The following EXOSC7 variants were observed in gnomAD, a reference collection of about 807,000 sequenced individuals.
EXOSC7 encodes the protein exosome component 7, also known as exosome complex component RRP42.
EXOSC7 carries 25 observed loss-of-function variants against 34.3 expected under a neutral mutation model. The ratio of observed to expected loss-of-function variants is 0.73; its 90% CI spans 0.53 to 1.02. EXOSC7 has a LOEUF of 1.02. Ranked by LOEUF, EXOSC7 falls within the 50% of genes least tolerant of loss-of-function variation. The pLI, the probability that EXOSC7 is intolerant of heterozygous loss-of-function variation, is 0.00. For synonymous variants in EXOSC7, 130 were observed against 143.0 expected (o/e 0.91, Z 0.65); for missense variants, 370 against 368.5 (o/e 1.00, Z -0.03).
intron 7 of EXOSC7, among the ~76,000 whole-genome samples, chr3:45,010,223 A>G (rs534749390): frequency 6.6e-6 from 1 of 152,250 alleles, no homozygotes; most frequent in South Asian, 2.1e-4. Context: ...CAGTTTCATA[A>G]AGAAAAATAT....
intron 1 of EXOSC7, among the ~76,000 whole-genome samples, chr3:44,980,217 A>G (rs1706238256): frequency 6.6e-6 from 1 of 152,050 alleles, no homozygotes. Flanking sequence ...AAGCCAGCAA[A>G]GGGAGTCTAG....
In EXOSC7 at chr3:45,002,832, A is replaced by G. The variant is rs944577094; in HGVS notation, c.491+1224A>G. ...TGCCACTAGGCTCCTTGTTGAGACT[A>G]TTTGAAATGTGAGCCTGGCACTCTT... On this transcript the variant is annotated intron_variant, in intron 5 of 7. Coordinates refer to ENST00000265564, the MANE Select transcript of EXOSC7 (RefSeq NM_015004.4). 2.6e-5 allele frequency among the ~76,000 whole-genome samples: 4 copies of G among 152,154 alleles called. No homozygotes were observed. In the East Asian group the frequency reaches 7.7e-4, roughly 29 times the overall value.
intron 1 of EXOSC7, among the ~76,000 whole-genome samples, 156 bp from the exon 2 acceptor site, chr3:44,988,984 A>G (rs1378521581): frequency 2.6e-5 from 4 of 152,176 alleles, no homozygotes; most frequent in Non-Finnish European, 4.4e-5. Flanking sequence ...TAAAATAGTA[A>G]TGTTGTTGTT....
intron 1 of EXOSC7, among the ~76,000 whole-genome samples, chr3:44,976,579 G>C (rs1486316790): frequency 6.6e-6 from 1 of 152,214 alleles, no homozygotes. Context: ...GGAAGCTTGG[G>C]CAGTCTCGGA....
intron 1 of EXOSC7, among the ~76,000 whole-genome samples, chr3:44,979,650 G>A (rs1292539203): frequency 1.3e-5 from 2 of 151,472 alleles, no homozygotes; most frequent in Non-Finnish European, 2.9e-5. Flanking sequence ...TCTATTTCTT[G>A]GGCCAGTGGT....
Position 44,995,794 on chromosome 3 carries a change from T to C in EXOSC7, c.255-1293T>C, listed in dbSNP as rs1455114838. On this transcript the variant is annotated intron_variant, in intron 3 of 7. Transcript: ENST00000265564. ...AGAGGCAAAATTTTATGTAACAACA[T>C]AGTCTGATTAATTTGGGATTCATTC... Among the ~76,000 whole-genome samples the C allele has an allele frequency of 7.2e-5, 11 of 152,196 alleles. No individual in the cohort carries two copies. In the East Asian group the frequency reaches 2.1e-3, roughly 29 times the overall value.
At chr3:44,996,152 G>C (rs1706715774) in intron 3 of EXOSC7, among the ~76,000 whole-genome samples, 1 of 152,194 alleles carries the variant, frequency 6.6e-6, no homozygotes, top group South Asian at 2.1e-4. Context: ...GATGGGCAAG[G>C]GGTCAGAAGG....
At chr3:44,976,604 G>C (rs529396654) in intron 1 of EXOSC7, among the ~76,000 whole-genome samples, 1 of 152,318 alleles carries the variant, frequency 6.6e-6, no homozygotes, top group East Asian at 1.9e-4. Context: ...TTTTCTTAGT[G>C]AGAGAGCATC....
intron 3 of EXOSC7, 48 bp from the exon 4 acceptor site, chr3:44,997,039 T>C: frequency 1.3e-6 from 2 of 1,589,696 alleles, no homozygotes; most frequent in African/African-American, 1.3e-5. Context: ...TCTTTGCTTT[T>C]TGCACTTGGA....
In EXOSC7 at chr3:44,983,962, A is replaced by G. The variant is rs568124212; in HGVS notation, c.58-5178A>G. 3.3e-5 allele frequency among the ~76,000 whole-genome samples: 5 copies of G among 152,228 alleles called. No homozygotes were observed. In the East Asian group the frequency reaches 9.7e-4, roughly 29 times the overall value. ...CTATCCTTTTTTTATATGGAAAAAA[A>G]TTATGCATGCTTGGAAAGGAAAATT... On this transcript the variant is annotated intron_variant, in intron 1 of 7. Coordinates refer to ENST00000265564, the MANE Select transcript of EXOSC7 (RefSeq NM_015004.4).
chr3:45,000,052 G>T (rs1016210139), intron 4 of EXOSC7, among the ~76,000 whole-genome samples: 1 of 152,100 alleles, frequency 6.6e-6, no homozygotes, highest in Non-Finnish European at 1.5e-5. Context: ...TCCAGTATTG[G>T]TTTTTTTCCC....
At chr3:45,000,485 A>G (rs1341257117) in intron 4 of EXOSC7, among the ~76,000 whole-genome samples, 1 of 152,236 alleles carries the variant, frequency 6.6e-6, no homozygotes, top group East Asian at 1.9e-4. Flanking sequence ...CCTCAGGCCA[A>G]GGCCTCTCTA....
Position 44,989,219 on chromosome 3 carries a change from G to A in EXOSC7, c.137G>A (p.Ser46Asn), listed in dbSNP as rs1474682785. Residue 46 changes from serine (S) to asparagine (N), a missense_variant, in exon 2 of 8, where the codon AGT becomes AAT. Coordinates refer to ENST00000265564, the MANE Select transcript of EXOSC7 (RefSeq NM_015004.4). ...EVETDVVSNT[S>N]GSARVKLGHT... Reference sequence around the variant, plus strand: ...GAAACTGATGTGGTGTCCAACACTAGTGGGTCCGCCAGGGTCAAGCTGGTG... The same window carrying A: ...GAAACTGATGTGGTGTCCAACACTAATGGGTCCGCCAGGGTCAAGCTGGTG... 6.2e-7 allele frequency: 1 copy of A among 1,614,056 alleles called. No homozygotes were observed. Among genetic ancestry groups the A allele is most frequent in the Non-Finnish European group, 8.5e-7 (1 of 1,179,882 alleles).
At chr3:44,984,466 C>G (rs958206754) in intron 1 of EXOSC7, among the ~76,000 whole-genome samples, 1 of 115,910 alleles carries the variant, frequency 8.6e-6, no homozygotes, top group Admixed American at 8.9e-5. Flanking sequence ...GATCCTGTCT[C>G]AAAAAAAAAA....
chr3:44,987,682 T>G (rs1706460479), intron 1 of EXOSC7, among the ~76,000 whole-genome samples: 1 of 150,018 alleles, frequency 6.7e-6, no homozygotes, highest in Non-Finnish European at 1.5e-5. Flanking sequence ...GCCTGGATAC[T>G]CTGAGGCTAA....
chr3:45,007,268 C>A, intron 6 of EXOSC7, 152 bp from the exon 7 acceptor site: 1 of 742,510 alleles, frequency 1.3e-6, no homozygotes, highest in Non-Finnish European at 2.1e-6. Context: ...AATCCCTCAG[C>A]TGTTTTCCTC....
At chr3:45,007,807 T>A (rs954160533) in intron 7 of EXOSC7, among the ~76,000 whole-genome samples, 3 of 152,186 alleles carry the variant, frequency 2.0e-5, no homozygotes, top group African/African-American at 4.8e-5. Context: ...TTAATTGTCC[T>A]CAGTAAGTAC....
intron 7 of EXOSC7, among the ~76,000 whole-genome samples, chr3:45,008,618 A>G (rs1003511587): frequency 6.6e-6 from 1 of 152,182 alleles, no homozygotes; most frequent in African/African-American, 2.4e-5. Context: ...TGTTATTAGG[A>G]TGATGTGAGG....
At chr3:45,007,389 C>G in intron 6 of EXOSC7, 31 bp from the exon 7 acceptor site, 1 of 1,612,150 alleles carries the variant, frequency 6.2e-7, no homozygotes, top group Non-Finnish European at 8.5e-7. Context: ...CCTGCGTGAC[C>G]CACCGTGTGC....
Sources: gnomAD v4.1 joint callset for allele counts (sites outside exome capture counted in the v4.1 genomes callset) on GRCh38, gnomAD v4.1.1 for gene constraint, MANE v1.5 for transcripts, NCBI Gene and HGNC (gene_info 2026-07-23, HGNC 2026-07-21) for gene names.